SVEP1: variants seen among roughly 807,000 people sequenced by gnomAD.
The protein encoded by SVEP1 is sushi, von Willebrand factor type A, EGF and pentraxin domain-containing protein 1.
A neutral mutation model predicts 367.3 loss-of-function variants in SVEP1; 164 were observed. That is an observed-to-expected ratio of 0.45 (90% CI 0.39 to 0.51). The LOEUF (loss-of-function observed/expected upper bound fraction) is 0.51. SVEP1 is among the 20% of genes least tolerant of loss of function. The probability of loss-of-function intolerance (pLI) is 0.00; values close to 1 mark genes in which losing one functional copy is unlikely to be tolerated. For synonymous variants in SVEP1, 1,666 were observed against 1,611.6 expected (o/e 1.03, Z -0.81); for missense variants, 4,117 against 4,425.3 (o/e 0.93, Z 1.98).
intron 2 of SVEP1, among the ~76,000 whole-genome samples, chr9:110,546,613 CATT>C (rs1171084559): frequency 6.6e-6 from 1 of 152,172 alleles, no homozygotes; most frequent in Non-Finnish European, 1.5e-5. Context: ...TTCTGCAGGT[CATT>C]CCCCTGGCTT....
chr9:110,470,967 AG>A (rs1158706190), intron 16 of SVEP1, among the ~76,000 whole-genome samples: 1 of 151,970 alleles, frequency 6.6e-6, no homozygotes, highest in East Asian at 1.9e-4. Flanking sequence ...GCAAATTCGT[AG>A]CCTCTCTGGC....
chr9:110,408,063 C>G lies in SVEP1; in HGVS notation c.7537G>C (p.Asp2513His). The G allele has an allele frequency of 6.2e-7, 1 of 1,613,938 alleles. No individual in the cohort carries two copies. Among genetic ancestry groups the G allele is most frequent in the South Asian group, 1.1e-5 (1 of 91,074 alleles). Residue 2513 changes from aspartate (D) to histidine (H), a missense_variant, in exon 38 of 48, where the codon GAC becomes CAC. By Grantham distance (81) the Asp-to-His change is moderately conservative. This residue lies in a region of SVEP1 where 1,765 missense variants were observed against 1,781.1 expected (regional missense o/e 0.99). Coordinates refer to ENST00000374469, the MANE Select transcript of SVEP1 (RefSeq NM_153366.4). Reference sequence around the variant, plus strand: ...GTAACGGTCTGTCCATAGTGTAGGTCCGTGTAAGAGAATTTGCCATTCAAA... The same window carrying G: ...GTAACGGTCTGTCCATAGTGTAGGTGCGTGTAAGAGAATTTGCCATTCAAA... ...EILNGKFSYT[D>H]LHYGQTVTYS...
Position 110,483,825 on chromosome 9 carries a change from G to A in SVEP1, c.1931-132C>T, listed in dbSNP as rs1829236215. On this transcript the variant is annotated intron_variant, in intron 9 of 47. Transcript: ENST00000374469. ...GCTTGCAAGAAACAAGGCTGACTCT[G>A]TGGCTCCTGTGATATCTTTTCCCTG... The A allele has an allele frequency of 1.2e-5, 6 of 498,212 alleles. No homozygotes were observed. The East Asian group carries it at 2.1e-4, about 17-fold the overall frequency. 30.9% of individuals were successfully genotyped at this position (498,212 alleles called of 1,614,324 possible).
At chr9:110,413,092 G>A (rs1405876122) in intron 36 of SVEP1, among the ~76,000 whole-genome samples, 83 of 148,604 alleles carry the variant, frequency 5.6e-4, no homozygotes, top group African/African-American at 2.0e-3. Context: ...ACATGCACAC[G>A]TATGTTTATT....
intron 3 of SVEP1, among the ~76,000 whole-genome samples, chr9:110,530,727 G>C (rs1830008062): frequency 6.6e-6 from 1 of 151,896 alleles, no homozygotes; most frequent in African/African-American, 2.4e-5. Flanking sequence ...TGTAGAGACG[G>C]GGTCTCACCA....
In SVEP1 at chr9:110,430,376, C is replaced by T. The variant is rs558851867; in HGVS notation, c.5428G>A (p.Glu1810Lys). The T allele has an allele frequency of 3.2e-5, 52 of 1,613,272 alleles. No individual in the cohort carries two copies. The South Asian group carries it at 4.0e-4, about 12-fold the overall frequency. Reference protein sequence around the residue: ...SSGEIYTVGAEVTFSCQEGYQ... With the variant: ...SSGEIYTVGAKVTFSCQEGYQ... ...CCTTCCTGACACGAAAATGTGACTT[C>T]GGCACCTACTGTATAAATCTCACCT... The change falls in exon 33 of 48, where the codon GAA becomes AAA. Residue 1810 changes from glutamate (E) to lysine (K), a missense_variant. Around this residue, in one of 4 missense-constraint regions of SVEP1, gnomAD observed 2,174 missense variants for 2,494.3 expected, o/e 0.87. Transcript: ENST00000374469.
At chr9:110,555,967 T>C (rs1830352646) in intron 1 of SVEP1, among the ~76,000 whole-genome samples, 1 of 152,256 alleles carries the variant, frequency 6.6e-6, no homozygotes, top group Non-Finnish European at 1.5e-5. Flanking sequence ...TCAATGTTCC[T>C]GAAATAGTTT....
intron 3 of SVEP1, among the ~76,000 whole-genome samples, chr9:110,515,771 CAGTT>C (rs1829791871): frequency 6.6e-6 from 1 of 152,108 alleles, no homozygotes; most frequent in Non-Finnish European, 1.5e-5. Context: ...TATAGTTACT[CAGTT>C]AGTGGGTGAC....
At chr9:110,398,932 T>C (rs923541556) in intron 40 of SVEP1, among the ~76,000 whole-genome samples, 13 of 152,242 alleles carry the variant, frequency 8.5e-5, no homozygotes, top group African/African-American at 3.1e-4. Flanking sequence ...TGGAAGTCAG[T>C]GTGGCGATTC....
At chr9:110,370,949 G>A (rs1827266365) in intron 46 of SVEP1, among the ~76,000 whole-genome samples, 1 of 152,138 alleles carries the variant, frequency 6.6e-6, no homozygotes, top group South Asian at 2.1e-4. Flanking sequence ...TATTTTTGGT[G>A]AATTATAAGT....
In SVEP1 at chr9:110,470,486, G is replaced by A. The variant is rs566637339; in HGVS notation, c.2998+878C>T. Among the ~76,000 whole-genome samples, 12 of 151,998 alleles carry A rather than the reference G, an allele frequency of 7.9e-5. No individual in the cohort carries two copies. In the East Asian group the frequency reaches 2.3e-3, roughly 29 times the overall value. On this transcript the variant is annotated intron_variant, in intron 16 of 47. Transcript: ENST00000374469. Reference sequence around the variant, plus strand: ...CTCACTCTGTTGCCCAGGCTGGAGTGCAGTGGCGCAATCATAGCTCACTGC... The same window carrying A: ...CTCACTCTGTTGCCCAGGCTGGAGTACAGTGGCGCAATCATAGCTCACTGC...
intron 18 of SVEP1, among the ~76,000 whole-genome samples, chr9:110,462,491 A>G (rs911220929): frequency 1.3e-5 from 2 of 151,072 alleles, no homozygotes; most frequent in Non-Finnish European, 2.9e-5. Context: ...ACACGCATAT[A>G]TATGTATATA....
intron 14 of SVEP1, among the ~76,000 whole-genome samples, chr9:110,474,202 G>A (rs1347995582): frequency 1.3e-5 from 2 of 152,108 alleles, no homozygotes. Flanking sequence ...GTTTTACCAT[G>A]TTGGCCAAGT....
intron 18 of SVEP1, among the ~76,000 whole-genome samples, chr9:110,463,358 A>C (rs1051249949): frequency 6.6e-6 from 1 of 152,142 alleles, no homozygotes; most frequent in Non-Finnish European, 1.5e-5. Flanking sequence ...TAAAAAGTAA[A>C]ATGTACAAAG....
chr9:110,528,156 G>GTATGTATATATATATATATA (rs1554721448), intron 3 of SVEP1, among the ~76,000 whole-genome samples: 1 of 33,950 alleles, frequency 2.9e-5, no homozygotes, highest in African/African-American at 1.1e-4. Context: ...GTGTGTGTGT[G>GTATGTATATATATATATATA]TATATATATA....
intron 13 of SVEP1, among the ~76,000 whole-genome samples, chr9:110,477,436 G>T (rs1829111800): frequency 6.6e-6 from 1 of 152,024 alleles, no homozygotes; most frequent in South Asian, 2.1e-4. Context: ...GTCAACTAAG[G>T]CTTGAGAAAA....
chr9:110,448,505 G>A (rs1464071002), intron 24 of SVEP1, among the ~76,000 whole-genome samples: 1 of 152,166 alleles, frequency 6.6e-6, no homozygotes, highest in African/African-American at 2.4e-5. Flanking sequence ...GATCTTTACT[G>A]GGTCTCTGCA....
At position 110,387,374 on chromosome 9, in the gene SVEP1, G is replaced by C; in HGVS notation, c.9971C>G (p.Ser3324Cys). 3 of 1,613,684 alleles carry C rather than the reference G, an allele frequency of 1.9e-6. No homozygotes were observed. The highest frequency in any genetic ancestry group is 2.5e-6 in the Non-Finnish European group (3 of 1,179,798). Reference protein sequence around the residue: ...NRTTGPNVVYSCNRGYSLEGP... With the variant: ...NRTTGPNVVYCCNRGYSLEGP... ...TTCAAGACTGTAGCCTCTGTTGCAG[G>C]AATATACCACGTTGGGTCCAGTCGT... Residue 3324 changes from serine to cysteine, a missense_variant, in exon 42 of 48, where the codon TCC becomes TGC. Transcript: ENST00000374469.
chr9:110,521,645 A>C (rs550996565), intron 3 of SVEP1, among the ~76,000 whole-genome samples: 3 of 152,302 alleles, frequency 2.0e-5, no homozygotes, highest in African/African-American at 7.2e-5. Context: ...AGAACATTTA[A>C]ATGAATCCTT....
Sources: gnomAD v4.1 joint callset for allele counts (sites outside exome capture counted in the v4.1 genomes callset) on GRCh38, gnomAD v4.1.1 for gene constraint, gnomAD v4.1.1 regional missense constraint, MANE v1.5 for transcripts, NCBI Gene and HGNC (gene_info 2026-07-23, HGNC 2026-07-21) for gene names.